ADCYAP1R1: variants seen among roughly 807,000 people sequenced by gnomAD.
ADCYAP1R1 encodes the protein pituitary adenylate cyclase-activating polypeptide type I receptor.
In ADCYAP1R1, 44 loss-of-function variants were observed where a neutral mutation model predicts 67.6. The observed-to-expected ratio is 0.65, with a 90% confidence interval of 0.51 to 0.84. ADCYAP1R1 has a LOEUF of 0.84. Among genes scored for constraint, ADCYAP1R1 ranks in the 40% least tolerant of loss-of-function variants. The pLI, the probability that ADCYAP1R1 is intolerant of heterozygous loss-of-function variation, is 0.00. For synonymous variants in ADCYAP1R1, 222 were observed against 219.6 expected, an observed-to-expected ratio of 1.01 and a Z score of -0.10; for missense variants, 477 against 587.9, an observed-to-expected ratio of 0.81 and a Z score of 1.95.
Position 31,110,349 on chromosome 7 carries a change from G to T in ADCYAP1R1, c.*3665G>T, listed in dbSNP as rs892550807. On this transcript the variant is annotated 3_prime_UTR_variant, in exon 16 of 16. Transcript: ENST00000304166. Reference sequence around the variant, plus strand: ...TTGGGCTTCTCCACGCTTTGCTCCTGGCTTGTTTGACCTTGACTCATTCCC... The same window carrying T: ...TTGGGCTTCTCCACGCTTTGCTCCTTGCTTGTTTGACCTTGACTCATTCCC... 1 of 152,096 alleles carries T rather than the reference G, an allele frequency of 6.6e-6. No homozygotes were observed. Among genetic ancestry groups the T allele is most frequent in the African/African-American group, 2.4e-5 (1 of 41,402 alleles). The allele number at this position is 152,096 out of a possible 1,614,324, so 9.4% of individuals were successfully genotyped here. A position where few individuals can be genotyped will look rare whatever the true frequency, so the allele number is the denominator to read the frequency against.
chr7:31,085,642 A>G (rs1451073960), intron 9 of ADCYAP1R1, among the ~76,000 whole-genome samples, 200 bp downstream of exon 9: 1 of 152,136 alleles, frequency 6.6e-6, no homozygotes. Context: ...AATGTACGAC[A>G]TCACTTCCAG....
chr7:31,107,898 T>C lies in ADCYAP1R1; in HGVS notation c.*1214T>C, dbSNP rs958133360. ...GAGAAGCCACACCCAACATGCCCAT[T>C]AGCAGAGGCTGCTGCTGATGTGGCA... On this transcript the variant is annotated 3_prime_UTR_variant, in exon 16 of 16. Coordinates refer to ENST00000304166, the MANE Select transcript of ADCYAP1R1 (RefSeq NM_001118.5). 3 of 152,244 alleles carry C rather than the reference T, an allele frequency of 2.0e-5. No individual in the cohort carries two copies. Among genetic ancestry groups the C allele is most frequent in the African/African-American group, 7.2e-5 (3 of 41,448 alleles). The allele number at this position is 152,244 out of a possible 1,614,324, so 9.4% of individuals were successfully genotyped here.
chr7:31,092,756 G>GC (rs773135993), intron 13 of ADCYAP1R1, 21 bp downstream of exon 13: 27 of 1,580,424 alleles, frequency 1.7e-5, no homozygotes, highest in Admixed American at 3.5e-5. Flanking sequence ...TTGTGTGGCT[G>GC]CCACAGCCAT....
At chr7:31,088,025 C>A (rs1795825089) in intron 12 of ADCYAP1R1, among the ~76,000 whole-genome samples, 1 of 152,156 alleles carries the variant, frequency 6.6e-6, no homozygotes, top group Admixed American at 6.5e-5. Context: ...TCCCAAATTG[C>A]TTTGCAAAAA....
At position 31,102,576 on chromosome 7, in the gene ADCYAP1R1, C is replaced by G. The variant is rs1354190877; in HGVS notation, c.1047-661C>G. Among the ~76,000 whole-genome samples the G allele has an allele frequency of 6.6e-6, 1 of 152,204 alleles. No homozygotes were observed. Among genetic ancestry groups the G allele is most frequent in the Non-Finnish European group, 1.5e-5 (1 of 68,038 alleles). ...CCGGCCCTTCCTCCCCTGCCTGGCCCACTTCAGAGCATTCTCTTCCACCTT... is the reference window on the plus strand; with the variant it reads ...CCGGCCCTTCCTCCCCTGCCTGGCCGACTTCAGAGCATTCTCTTCCACCTT... On this transcript the variant is annotated intron_variant, in intron 13 of 15. Transcript: ENST00000304166. This position sits in a 1 kb window ranked among gnomAD's most constrained non-coding sequence, Gnocchi z 4.3.
chr7:31,101,740 A>T (rs73688765), intron 13 of ADCYAP1R1, among the ~76,000 whole-genome samples: 15,449 of 152,254 alleles, frequency 0.1, 2,093 homozygotes, highest in African/African-American at 0.31. Flanking sequence ...TTCATGGAAC[A>T]GGCAGCTCCC....
At chr7:31,080,481 G>A in intron 4 of ADCYAP1R1, 132 bp from the exon 5 acceptor site, 2 of 880,360 alleles carry the variant, frequency 2.3e-6, no homozygotes, top group Non-Finnish European at 1.8e-6. Context: ...GTCCCCCAGA[G>A]CCCCTCTTTA....
At chr7:31,104,805 C>A in intron 14 of ADCYAP1R1, 63 bp from the exon 15 acceptor site, 6 of 1,569,902 alleles carry the variant, frequency 3.8e-6, no homozygotes, top group Non-Finnish European at 5.3e-6. Flanking sequence ...CCCCTCCATG[C>A]CCCACACAGC....
At chr7:31,057,488 G>A (rs911208816) in intron 1 of ADCYAP1R1, among the ~76,000 whole-genome samples, 2 of 152,196 alleles carry the variant, frequency 1.3e-5, no homozygotes, top group Non-Finnish European at 2.9e-5. Flanking sequence ...TTTGGACCTG[G>A]TTCCCTACCC....
chr7:31,063,885 C>G (rs899875654), intron 2 of ADCYAP1R1, among the ~76,000 whole-genome samples: 3 of 152,238 alleles, frequency 2.0e-5, no homozygotes, highest in African/African-American at 7.2e-5. Flanking sequence ...TGAGAACTGC[C>G]TGCACATCTG....
intron 12 of ADCYAP1R1, among the ~76,000 whole-genome samples, chr7:31,090,977 T>G (rs530264073): frequency 7.2e-5 from 11 of 152,264 alleles, no homozygotes; most frequent in Non-Finnish European, 1.2e-4. Context: ...TGTTTTAAGT[T>G]CTTTGAGAAA....
At chr7:31,054,051 A>C (rs559869134) in intron 1 of ADCYAP1R1, among the ~76,000 whole-genome samples, 1 of 152,274 alleles carries the variant, frequency 6.6e-6, no homozygotes, top group South Asian at 2.1e-4. Flanking sequence ...GTCCTAAGCT[A>C]AGTTCTGCTC....
At position 31,103,389 on chromosome 7, in the gene ADCYAP1R1, A is replaced by T. The variant is rs201466313; in HGVS notation, c.1176+23A>T. ...CAGGTAGGTGTGGCACATGGGGAGG[A>T]CAGAACTCACTGGGAGCCAGGGCCT... On this transcript the variant is annotated intron_variant, in intron 14 of 15. Coordinates refer to ENST00000304166, the MANE Select transcript of ADCYAP1R1 (RefSeq NM_001118.5). 9.9e-6 allele frequency: 16 copies of T among 1,613,938 alleles called. No individual in the cohort carries two copies. The East Asian group carries it at 3.1e-4, about 31-fold the overall frequency.
intron 1 of ADCYAP1R1, 117 bp from the exon 2 acceptor site, chr7:31,063,077 T>C: frequency 1.6e-6 from 1 of 630,422 alleles, no homozygotes; most frequent in East Asian, 2.8e-5. Flanking sequence ...GAGGTGGGGT[T>C]ATCCTTGGAG....
chr7:31,067,596 A>C (rs1331835555), intron 3 of ADCYAP1R1, among the ~76,000 whole-genome samples: 1 of 152,160 alleles, frequency 6.6e-6, no homozygotes, highest in Non-Finnish European at 1.5e-5. Flanking sequence ...TTGCTTAAGG[A>C]CATAGTCCAT....
chr7:31,075,199 A>G (rs1213990725), intron 3 of ADCYAP1R1, among the ~76,000 whole-genome samples: 2 of 152,124 alleles, frequency 1.3e-5, no homozygotes, highest in African/African-American at 2.4e-5. Context: ...TCTCGGGGCA[A>G]TGGTTCCCAG....
Position 31,081,702 on chromosome 7 carries a change from G to T in ADCYAP1R1, c.287-11G>T. On this transcript the variant is annotated splice_polypyrimidine_tract_variant and intron_variant, in intron 5 of 15. Transcript: ENST00000304166. ...GGCATTTTGATATATGCCTATGTCT[G>T]TATTTTTCAGGAGAGTCTGATTTTG... 1.3e-6 allele frequency: 2 copies of T among 1,595,366 alleles called. No homozygotes were observed. Among genetic ancestry groups the T allele is most frequent in the Admixed American group, 3.5e-5 (2 of 57,674 alleles).
chr7:31,086,861 C>G lies in ADCYAP1R1; in HGVS notation c.824-82C>G, dbSNP rs994944252. On this transcript the variant is annotated intron_variant, in intron 10 of 15. Transcript: ENST00000304166. The surrounding 1 kb of genome is among the most constrained non-coding windows in gnomAD (Gnocchi z 5.0). ...CCAAGTCTCATGGGGGAGCAATAGC[C>G]TCTCGGAGCCCCAGGTCTACGGTGG... The G allele has an allele frequency of 5.6e-6, 8 of 1,439,834 alleles. No homozygotes were observed. In the African/African-American group the frequency reaches 8.4e-5, roughly 15 times the overall value. 89.2% of individuals were successfully genotyped at this position (1,439,834 alleles called of 1,614,324 possible).
rs1171053872 is a variant in ADCYAP1R1, at chr7:31,110,719, C to T, written c.*4035C>T. On this transcript the variant is annotated 3_prime_UTR_variant, in exon 16 of 16. Transcript: ENST00000304166. Reference sequence around the variant, plus strand: ...GGGGAGACCTACTTTTTAACCTGGGCTTAGCCACCTGCTCTGTGATCCAGG... The same window carrying T: ...GGGGAGACCTACTTTTTAACCTGGGTTTAGCCACCTGCTCTGTGATCCAGG... The T allele has an allele frequency of 2.0e-5, 3 of 152,510 alleles. No individual in the cohort carries two copies. The highest frequency in any genetic ancestry group is 2.9e-5 in the Non-Finnish European group (2 of 68,060). The allele number at this position is 152,510 out of a possible 1,614,324, so 9.4% of individuals were successfully genotyped here. A position where few individuals can be genotyped will look rare whatever the true frequency, so the allele number is the denominator to read the frequency against.
Sources: allele counts gnomAD v4.1 joint callset (sites outside exome capture counted in the v4.1 genomes callset), GRCh38; gene constraint gnomAD v4.1.1; non-coding constraint Gnocchi (gnomAD v3.1); transcripts MANE v1.5; gene names NCBI Gene and HGNC (gene_info 2026-07-23, HGNC 2026-07-21).